Variants in MEIS1 observed in about 807,000 individuals in gnomAD.
MEIS1 encodes the protein Meis homeobox 1.
In MEIS1, 5 loss-of-function variants were observed where a neutral mutation model predicts 50.8. The ratio of observed to expected loss-of-function variants is 0.10; its 90% CI spans 0.05 to 0.21. The LOEUF is 0.21. Ranked by LOEUF, MEIS1 falls within the 10% of genes least tolerant of loss-of-function variation. The probability of loss-of-function intolerance (pLI) is 1.00; values close to 1 mark genes in which losing one functional copy is unlikely to be tolerated. For missense variants in MEIS1, 318 were observed against 517.3 expected, an observed-to-expected ratio of 0.61 and a Z score of 3.74; for synonymous variants, 176 against 179.3, an observed-to-expected ratio of 0.98 and a Z score of 0.15.
In MEIS1 at chr2:66,446,138, A is replaced by C. The variant is rs116331472; in HGVS notation, c.630+3090A>C. ...AGAGGGAGAGGGGGGCCATGATGCT[A>C]GGCGTCGAGGCGAGGGTTGAGCCTG... is the stretch of plus-strand genomic sequence containing the variant. On this transcript the variant is annotated intron_variant, in intron 6 of 12. Transcript: ENST00000272369. Among the ~76,000 whole-genome samples the C allele has an allele frequency of 3.0e-3, 461 of 152,200 alleles. 2 individuals are homozygous for C. Among genetic ancestry groups the C allele is most frequent in the African/African-American group, 0.011 (439 of 41,538 alleles).
At chr2:66,493,336 C>G (rs988589224) in intron 7 of MEIS1, among the ~76,000 whole-genome samples, 4 of 152,132 alleles carry the variant, frequency 2.6e-5, no homozygotes, top group Non-Finnish European at 5.9e-5. Flanking sequence ...ATGATTCTAT[C>G]TATAGTTATT....
At chr2:66,553,065 G>T (rs964654542) in intron 9 of MEIS1, among the ~76,000 whole-genome samples, 1 of 152,122 alleles carries the variant, frequency 6.6e-6, no homozygotes, top group Non-Finnish European at 1.5e-5. Context: ...AACAGTACAC[G>T]ATGCAAGAAG....
chr2:66,493,963 A>G (rs1673335074), intron 7 of MEIS1, among the ~76,000 whole-genome samples: 1 of 152,222 alleles, frequency 6.6e-6, no homozygotes, highest in Non-Finnish European at 1.5e-5. Context: ...CAATATGGGC[A>G]GAATTTAGTC....
intron 8 of MEIS1, among the ~76,000 whole-genome samples, chr2:66,539,410 T>A (rs1026154820): frequency 6.6e-6 from 1 of 152,216 alleles, no homozygotes; most frequent in Admixed American, 6.5e-5. Context: ...TATATATTCA[T>A]GATTAACTCA....
chr2:66,473,130 G>C (rs1418626036), intron 7 of MEIS1, among the ~76,000 whole-genome samples: 2 of 151,854 alleles, frequency 1.3e-5, no homozygotes, highest in African/African-American at 4.8e-5. Flanking sequence ...TGTAATCCCA[G>C]CACTTTGGGA....
At chr2:66,449,448 T>A (rs17032093) in intron 6 of MEIS1, among the ~76,000 whole-genome samples, 2,592 of 152,204 alleles carry the variant, frequency 0.017, 60 homozygotes, top group African/African-American at 0.055. Context: ...TGTGTCCATG[T>A]AGTGTAAAAG....
intron 7 of MEIS1, among the ~76,000 whole-genome samples, chr2:66,483,945 T>C (rs896310251): frequency 2.0e-5 from 3 of 152,168 alleles, no homozygotes; most frequent in Non-Finnish European, 4.4e-5. Flanking sequence ...TAACCTTTGG[T>C]TTTTGATGAA....
chr2:66,496,842 A>T (rs1428118082), intron 7 of MEIS1, among the ~76,000 whole-genome samples: 3 of 151,918 alleles, frequency 2.0e-5, no homozygotes, highest in Non-Finnish European at 4.4e-5. Context: ...CAATGTGGCT[A>T]TTTTTGACTT....
At chr2:66,568,105 CTT>C (rs371137568) in intron 10 of MEIS1, 23 of 147,038 alleles carry the variant, frequency 1.6e-4, no homozygotes, top group Admixed American at 3.4e-4. Context: ...TGGTGTTCGA[CTT>C]TTTTTTTTTT....
chr2:66,569,454 T>C, intron 12 of MEIS1: 1 of 190,136 alleles, frequency 5.3e-6, no homozygotes, highest in Non-Finnish European at 1.1e-5. Context: ...ATGTAAGCAG[T>C]CTGCAGCAGT....
intron 7 of MEIS1, among the ~76,000 whole-genome samples, chr2:66,465,071 C>T (rs1008824084): frequency 1.3e-5 from 2 of 152,080 alleles, no homozygotes; most frequent in Non-Finnish European, 2.9e-5. Context: ...ACTTTAAAAT[C>T]TGGTTTTATG....
chr2:66,444,347 G>A (rs1414426658), intron 6 of MEIS1, among the ~76,000 whole-genome samples: 1 of 152,278 alleles, frequency 6.6e-6, no homozygotes, highest in South Asian at 2.1e-4. Context: ...AGTCCTTGTC[G>A]AGCGCCTGAC....
intron 4 of MEIS1, 178 bp downstream of exon 4, chr2:66,440,790 A>C (rs1219705805): frequency 1.7e-6 from 1 of 579,340 alleles, no homozygotes. Context: ...CCGGGGAAAT[A>C]AATTCATCTC....
chr2:66,565,085 C>T (rs1288515635), intron 9 of MEIS1, among the ~76,000 whole-genome samples: 5 of 152,066 alleles, frequency 3.3e-5, no homozygotes, highest in African/African-American at 4.8e-5. Flanking sequence ...ATAGGGGATT[C>T]ATGTCAGTGA....
chr2:66,435,854 C>CT lies in MEIS1; in HGVS notation c.-3_-2insT. ...TGAAGTAGGAAGGGAGCCAGAGAGGCCGATGGCGCAAAGGGTACGTATTAA... is the reference window on the plus strand; with the variant it reads ...TGAAGTAGGAAGGGAGCCAGAGAGGCTCGATGGCGCAAAGGGTACGTATTAA... On this transcript the variant is annotated 5_prime_UTR_variant, in exon 1 of 13. Coordinates refer to ENST00000272369, the MANE Select transcript of MEIS1 (RefSeq NM_002398.3). 1 of 1,568,494 alleles carries CT rather than the reference C, an allele frequency of 6.4e-7. No individual in the cohort carries two copies. The highest frequency in any genetic ancestry group is 8.6e-7 in the Non-Finnish European group (1 of 1,161,670).
chr2:66,440,672 G>A (rs914315417), intron 4 of MEIS1, 60 bp downstream of exon 4: 92 of 1,073,824 alleles, frequency 8.6e-5, no homozygotes, highest in Non-Finnish European at 1.1e-4. Flanking sequence ...CACCTCCAAC[G>A]CCCTCAGCTT....
intron 7 of MEIS1, among the ~76,000 whole-genome samples, chr2:66,503,675 T>G (rs866166065): frequency 1.6e-4 from 24 of 152,104 alleles, no homozygotes; most frequent in African/African-American, 5.6e-4. Flanking sequence ...CAATAGGTTG[T>G]TAAATGAATG....
chr2:66,529,419 A>G (rs1372144305), intron 8 of MEIS1, among the ~76,000 whole-genome samples: 1 of 152,120 alleles, frequency 6.6e-6, no homozygotes, highest in African/African-American at 2.4e-5. Flanking sequence ...GACTTTTGTC[A>G]TTTATTTGTT....
chr2:66,515,216 T>C (rs1673936379), intron 8 of MEIS1, among the ~76,000 whole-genome samples: 1 of 152,226 alleles, frequency 6.6e-6, no homozygotes, highest in Admixed American at 6.5e-5. Flanking sequence ...AACTGTAAAC[T>C]AGTCTTTTTT....
Sources: gnomAD v4.1 joint callset for allele counts (sites outside exome capture counted in the v4.1 genomes callset) on GRCh38, gnomAD v4.1.1 for gene constraint, MANE v1.5 for transcripts, NCBI Gene and HGNC (gene_info 2026-07-23, HGNC 2026-07-21) for gene names.